TRIO: variants seen among roughly 807,000 people sequenced by gnomAD.
The protein encoded by TRIO is triple functional domain protein.
A neutral mutation model predicts 351.9 loss-of-function variants in TRIO; 58 were observed. The ratio of observed to expected loss-of-function variants is 0.16; its 90% CI spans 0.13 to 0.21. TRIO has a LOEUF of 0.21. TRIO is among the 10% of genes least tolerant of loss of function. The pLI is 1.00. For missense variants in TRIO, 3,201 were observed against 4,027.8 expected, an observed-to-expected ratio of 0.79 and a Z score of 5.56; for synonymous variants, 1,758 against 1,595.7, an observed-to-expected ratio of 1.10 and a Z score of -2.42.
chr5:14,236,975 C>G (rs928007785), intron 1 of TRIO, among the ~76,000 whole-genome samples: 2 of 152,202 alleles, frequency 1.3e-5, no homozygotes, highest in South Asian at 2.1e-4. Flanking sequence ...TCTCCTGTTA[C>G]ACTCTGTGAT....
rs920523427 is a variant in TRIO, at chr5:14,488,095, C to T, written c.7467C>T (p.Ile2489=). The T allele has an allele frequency of 1.6e-4, 259 of 1,603,964 alleles. No homozygotes were observed. Among genetic ancestry groups the T allele is most frequent in the Non-Finnish European group, 2.0e-4 (240 of 1,178,146 alleles). ...LQKGGSFWSS[I]PASPASRPGS... ...AGGGGGGCTCCTTCTGGAGCTCCAT[C>T]CCCGCCTCCCCCGCCAGCCGACCCG... Residue 2489 remains isoleucine (I), a synonymous_variant, in exon 48 of 57, where the codon ATC becomes ATT. Coordinates refer to ENST00000344204, the MANE Select transcript of TRIO (RefSeq NM_007118.4).
intron 11 of TRIO, among the ~76,000 whole-genome samples, chr5:14,349,306 C>T (rs1399268325): frequency 1.3e-5 from 2 of 150,708 alleles, no homozygotes; most frequent in East Asian, 3.9e-4. Context: ...ATGTGTTTTT[C>T]CTGTGTGTAT....
chr5:14,487,852 G>T lies in TRIO; in HGVS notation c.7224G>T (p.Pro2408=), dbSNP rs1289252818. ...AGGGGTCCGAGCGAGAAGCGGAGCC[G>T]ATCCCCAAGATGAAGGTGCTGGAGA... ...DAEGSEREAE[P]IPKMKVLESP... The change falls in exon 48 of 57, where the codon CCG becomes CCT. Residue 2408 remains proline, a synonymous_variant. Transcript: ENST00000344204. 1.3e-6 allele frequency: 2 copies of T among 1,527,928 alleles called. No individual in the cohort carries two copies. Among genetic ancestry groups the T allele is most frequent in the East Asian group, 2.6e-5 (1 of 38,474 alleles). The allele number at this position is 1,527,928 out of a possible 1,614,324, so 94.6% of individuals were successfully genotyped here. A position where few individuals can be genotyped will look rare whatever the true frequency, so the allele number is the denominator to read the frequency against.
At chr5:14,383,818 C>T (rs999892372) in intron 21 of TRIO, among the ~76,000 whole-genome samples, 1 of 152,188 alleles carries the variant, frequency 6.6e-6, no homozygotes, top group Non-Finnish European at 1.5e-5. Flanking sequence ...CTGAGGCTCC[C>T]TCACTTGCCT....
intron 11 of TRIO, among the ~76,000 whole-genome samples, chr5:14,340,216 G>A (rs1053658097): frequency 6.6e-6 from 1 of 152,018 alleles, no homozygotes; most frequent in Non-Finnish European, 1.5e-5. Context: ...AACACACGGT[G>A]AAACCCCGTC....
intron 1 of TRIO, among the ~76,000 whole-genome samples, chr5:14,158,663 A>G (rs1412824482): frequency 6.6e-6 from 1 of 151,940 alleles, no homozygotes; most frequent in Non-Finnish European, 1.5e-5. Context: ...GAGATTCAGT[A>G]TCTACCAAAA....
intron 11 of TRIO, among the ~76,000 whole-genome samples, chr5:14,353,589 A>G (rs1041065367): frequency 6.6e-6 from 1 of 152,134 alleles, no homozygotes; most frequent in East Asian, 1.9e-4. Context: ...GGCAGGCATT[A>G]TTACCATGCC....
chr5:14,238,445 T>G (rs1252276840), intron 1 of TRIO, among the ~76,000 whole-genome samples: 2 of 152,206 alleles, frequency 1.3e-5, no homozygotes, highest in African/African-American at 4.8e-5. Context: ...TGCCAGAGCA[T>G]TCGCAGCCTC....
chr5:14,354,597 G>T (rs1451204309), intron 11 of TRIO, among the ~76,000 whole-genome samples: 1 of 152,222 alleles, frequency 6.6e-6, no homozygotes, highest in Non-Finnish European at 1.5e-5. Flanking sequence ...AGAGCAATGG[G>T]CTGCAGGATT....
intron 18 of TRIO, among the ~76,000 whole-genome samples, chr5:14,372,324 G>A (rs1745194041): frequency 6.6e-6 from 1 of 151,828 alleles, no homozygotes; most frequent in African/African-American, 2.4e-5. Context: ...TACTTCCTAT[G>A]GGATTACTCA....
chr5:14,312,474 G>A (rs958445872), intron 8 of TRIO, among the ~76,000 whole-genome samples: 10 of 152,060 alleles, frequency 6.6e-5, no homozygotes, highest in African/African-American at 2.4e-4. Flanking sequence ...ATGTAACTTT[G>A]ATTGCCCTTC....
At chr5:14,382,835 A>G (rs191550878) in intron 21 of TRIO, among the ~76,000 whole-genome samples, 2 of 141,892 alleles carry the variant, frequency 1.4e-5, no homozygotes, top group East Asian at 4.1e-4. Flanking sequence ...TATGATCTGT[A>G]TTTAGGGGCG....
intron 44 of TRIO, 57 bp from the exon 45 acceptor site, chr5:14,481,484 C>A: frequency 6.3e-7 from 1 of 1,590,210 alleles, no homozygotes; most frequent in Non-Finnish European, 8.6e-7. Context: ...AGGGTGAGCA[C>A]GTCAGATTTT....
chr5:14,260,777 A>C (rs187832820), intron 1 of TRIO, among the ~76,000 whole-genome samples: 68 of 152,348 alleles, frequency 4.5e-4, no homozygotes, highest in Non-Finnish European at 8.8e-4. Context: ...AAACTTTGGT[A>C]TTTTAAATGT....
At chr5:14,486,983 CAG>C (rs1227572375) in intron 47 of TRIO, among the ~76,000 whole-genome samples, 4 of 152,156 alleles carry the variant, frequency 2.6e-5, no homozygotes, top group African/African-American at 4.8e-5. Flanking sequence ...TAAGAAAACT[CAG>C]GCACCCAAGT....
intron 18 of TRIO, among the ~76,000 whole-genome samples, chr5:14,372,251 T>TGG (rs1745181190): frequency 2.0e-5 from 2 of 101,810 alleles, no homozygotes; most frequent in Non-Finnish European, 4.1e-5. Context: ...GAGGCGGGGG[T>TGG]GTGAGAGAGA....
chr5:14,261,189 C>G (rs78391908), intron 1 of TRIO, among the ~76,000 whole-genome samples: 11,844 of 152,238 alleles, frequency 0.078, 523 homozygotes, highest in African/African-American at 0.083. Context: ...AATTCAGTTC[C>G]TTTTTCTTCT....
chr5:14,455,957 C>A (rs779737840), intron 34 of TRIO, among the ~76,000 whole-genome samples: 1 of 152,228 alleles, frequency 6.6e-6, no homozygotes, highest in Non-Finnish European at 1.5e-5. Flanking sequence ...TGCGTGGGAG[C>A]CCACCGCAGT....
intron 1 of TRIO, among the ~76,000 whole-genome samples, chr5:14,230,590 G>A (rs1357332964): frequency 6.6e-6 from 1 of 152,124 alleles, no homozygotes; most frequent in Admixed American, 6.5e-5. Context: ...ACTCTCTCCT[G>A]TGCTTCCTCA....
Sources: gnomAD v4.1 joint callset for allele counts (sites outside exome capture counted in the v4.1 genomes callset) on GRCh38, gnomAD v4.1.1 for gene constraint, MANE v1.5 for transcripts, NCBI Gene and HGNC (gene_info 2026-07-23, HGNC 2026-07-21) for gene names.